ORC4: variants seen among roughly 807,000 people sequenced by gnomAD.
ORC4 encodes origin recognition complex, subunit 4 homolog.
In ORC4, 55 loss-of-function variants were observed where a neutral mutation model predicts 63.9. The ratio of observed to expected loss-of-function variants is 0.86; its 90% CI spans 0.69 to 1.08. The LOEUF (loss-of-function observed/expected upper bound fraction) is 1.08. ORC4 is among the 50% of genes least tolerant of loss of function. The pLI is 0.00. For missense variants in ORC4, 511 were observed against 504.4 expected, an observed-to-expected ratio of 1.01 and a Z score of -0.13; for synonymous variants, 150 against 168.5, an observed-to-expected ratio of 0.89 and a Z score of 0.85.
chr2:147,984,407 C>G (rs1173395071), intron 1 of ORC4, among the ~76,000 whole-genome samples: 1 of 151,728 alleles, frequency 6.6e-6, no homozygotes, highest in Non-Finnish European at 1.5e-5. Flanking sequence ...ATATATAATA[C>G]ATACATAAAA....
intron 4 of ORC4, chr2:147,960,457 C>A: frequency 1.6e-6 from 1 of 621,858 alleles, no homozygotes. Context: ...CTACATTATA[C>A]ACTAAAAATA....
chr2:148,018,853 G>A (rs1226233487), intron 1 of ORC4, among the ~76,000 whole-genome samples: 1 of 152,190 alleles, frequency 6.6e-6, no homozygotes, highest in African/African-American at 2.4e-5. Context: ...GGGATGATCA[G>A]GAATAGAATG....
chr2:147,964,729 A>G (rs1291120798), intron 4 of ORC4, among the ~76,000 whole-genome samples: 1 of 152,212 alleles, frequency 6.6e-6, no homozygotes, highest in Non-Finnish European at 1.5e-5. Flanking sequence ...TTATACTAAC[A>G]GTAGATTTCT....
chr2:148,019,115 A>G (rs1207583679), intron 1 of ORC4, among the ~76,000 whole-genome samples: 1 of 152,108 alleles, frequency 6.6e-6, no homozygotes, highest in African/African-American at 2.4e-5. Flanking sequence ...ACAATTGGTT[A>G]CACTACAAAG....
At position 147,958,807 on chromosome 2, in the gene ORC4, TA is replaced by T; in HGVS notation, c.284del (p.Leu95TyrfsTer5). 2 of 1,459,290 alleles carry T rather than the reference TA, an allele frequency of 1.4e-6. No homozygotes were observed. Among genetic ancestry groups the T allele is most frequent in the Non-Finnish European group, 1.9e-6 (2 of 1,040,378 alleles). 90.4% of individuals were successfully genotyped at this position (1,459,290 alleles called of 1,614,324 possible). A position where few individuals can be genotyped will look rare whatever the true frequency, so the allele number is the denominator to read the frequency against. On this transcript the variant is annotated frameshift_variant, in exon 5 of 14. Coordinates refer to ENST00000392857, the MANE Select transcript of ORC4 (RefSeq NM_181741.4). LOFTEE classifies it high-confidence loss of function. Reference sequence around the variant, plus strand: ...CATACTTACCATTTAAGTGAACTTGTAATACATTTTCACTCACTTCTTCTAT... The same window carrying T: ...CATACTTACCATTTAAGTGAACTTGTATACATTTTCACTCACTTCTTCTAT... ...MEIEEVSENV[L>X]QVHLNGLLQI...
At chr2:147,985,528 T>C (rs1471581591) in intron 1 of ORC4, among the ~76,000 whole-genome samples, 2 of 152,154 alleles carry the variant, frequency 1.3e-5, no homozygotes, top group African/African-American at 2.4e-5. Flanking sequence ...AAAGACAGAA[T>C]TAGAAAATAG....
At chr2:147,970,563 A>C (rs533882227) in intron 4 of ORC4, among the ~76,000 whole-genome samples, 2 of 152,018 alleles carry the variant, frequency 1.3e-5, no homozygotes, top group South Asian at 4.2e-4. Flanking sequence ...CAAAGAAGCA[A>C]AGGCAATTCA....
chr2:147,989,795 A>G (rs1462738367), intron 1 of ORC4, among the ~76,000 whole-genome samples: 2 of 152,202 alleles, frequency 1.3e-5, no homozygotes, highest in Non-Finnish European at 2.9e-5. Context: ...AGTTTTTCTT[A>G]GTTTGGAATA....
intron 1 of ORC4, among the ~76,000 whole-genome samples, chr2:147,999,287 G>A (rs909376236): frequency 1.3e-5 from 2 of 152,136 alleles, no homozygotes; most frequent in African/African-American, 4.8e-5. Context: ...AGCAGAAGGT[G>A]AGGGTATCAG....
intron 1 of ORC4, among the ~76,000 whole-genome samples, chr2:147,978,553 C>T (rs2105363626): frequency 6.6e-6 from 1 of 152,240 alleles, no homozygotes; most frequent in African/African-American, 2.4e-5. Context: ...TGATCTCAGA[C>T]CATAGCCAAG....
At chr2:147,961,002 CTA>C (rs962402283) in intron 4 of ORC4, among the ~76,000 whole-genome samples, 2 of 152,064 alleles carry the variant, frequency 1.3e-5, no homozygotes, top group South Asian at 4.1e-4. Flanking sequence ...TTTCAATTAA[CTA>C]TAGAGTTAGC....
In ORC4 at chr2:147,976,774, T is replaced by C. The variant is rs547313713; in HGVS notation, c.-17-799A>G. On this transcript the variant is annotated intron_variant, in intron 1 of 13. Transcript: ENST00000392857. ...ATTATTGAATTATTTTAAACAAAAT[T>C]GTCTGTTTAATTGCTACTGTTTCCA... Among the ~76,000 whole-genome samples, 4 of 152,292 alleles carry C rather than the reference T, an allele frequency of 2.6e-5. No individual in the cohort carries two copies. In the South Asian group the frequency reaches 8.3e-4, roughly 32 times the overall value.
At chr2:147,953,095 C>G (rs887775268) in intron 7 of ORC4, among the ~76,000 whole-genome samples, 3 of 150,496 alleles carry the variant, frequency 2.0e-5, no homozygotes, top group Non-Finnish European at 3.0e-5. Context: ...TTTGGGAGGC[C>G]GAGGTAGGTG....
At chr2:147,953,810 A>C (rs1689103419) in intron 7 of ORC4, among the ~76,000 whole-genome samples, 1 of 152,198 alleles carries the variant, frequency 6.6e-6, no homozygotes, top group Non-Finnish European at 1.5e-5. Flanking sequence ...AAGTGAAACA[A>C]ATATCTGATA....
At chr2:147,995,331 G>A (rs774436939) in intron 1 of ORC4, among the ~76,000 whole-genome samples, 26 of 152,184 alleles carry the variant, frequency 1.7e-4, no homozygotes, top group Middle Eastern at 3.2e-3. Context: ...ACCACTCAGC[G>A]CTCTGTAAAA....
chr2:147,948,258 T>C (rs1000324593), intron 8 of ORC4, 34 bp from the exon 9 acceptor site: 1 of 1,490,422 alleles, frequency 6.7e-7, no homozygotes, highest in Non-Finnish European at 9.3e-7. Flanking sequence ...ATAAGGAAGA[T>C]GAATGTTTTT....
intron 4 of ORC4, among the ~76,000 whole-genome samples, chr2:147,961,282 A>G (rs1317748353): frequency 1.3e-5 from 2 of 152,032 alleles, no homozygotes; most frequent in East Asian, 3.9e-4. Context: ...TCTACTAAAC[A>G]TAAAAAACTT....
intron 1 of ORC4, among the ~76,000 whole-genome samples, chr2:148,016,684 G>A (rs1302864950): frequency 6.6e-6 from 1 of 152,180 alleles, no homozygotes; most frequent in Non-Finnish European, 1.5e-5. Flanking sequence ...CTGAAGCATG[G>A]ATTTTTACAT....
chr2:147,969,477 A>C (rs1016251630), intron 4 of ORC4, among the ~76,000 whole-genome samples: 1 of 152,086 alleles, frequency 6.6e-6, no homozygotes, highest in African/African-American at 2.4e-5. Context: ...TATTTTATGA[A>C]ATAAATGTTT....
Sources: gnomAD v4.1 joint callset for allele counts (sites outside exome capture counted in the v4.1 genomes callset) on GRCh38, gnomAD v4.1.1 for gene constraint, MANE v1.5 for transcripts, NCBI Gene and HGNC (gene_info 2026-07-23, HGNC 2026-07-21) for gene names.